FSTL4: variants seen among roughly 807,000 people sequenced by gnomAD.
FSTL4 encodes the protein follistatin-related protein 4.
FSTL4 carries 28 observed loss-of-function variants against 78.2 expected under a neutral mutation model. The observed-to-expected ratio is 0.36, with a 90% CI of 0.27 to 0.49. FSTL4 has a LOEUF of 0.49. Ranked by LOEUF, FSTL4 falls within the 20% of genes least tolerant of loss-of-function variation. The pLI, the probability that FSTL4 is intolerant of heterozygous loss-of-function variation, is 0.98. For missense variants in FSTL4, 922 were observed against 1,084.9 expected, an observed-to-expected ratio of 0.85 and a Z score of 2.11; for synonymous variants, 422 against 440.5, an observed-to-expected ratio of 0.96 and a Z score of 0.53.
intron 5 of FSTL4, among the ~76,000 whole-genome samples, chr5:133,313,718 G>A (rs1216311946): frequency 1.3e-5 from 2 of 152,214 alleles, no homozygotes; most frequent in South Asian, 2.1e-4. Context: ...ATGTGATAAT[G>A]TTAAAAAAAT....
At chr5:133,204,785 A>AAGAT (rs1750440213) in intron 14 of FSTL4, among the ~76,000 whole-genome samples, 1 of 150,728 alleles carries the variant, frequency 6.6e-6, no homozygotes, top group Non-Finnish European at 1.5e-5. Flanking sequence ...GCAGTGAGCC[A>AAGAT]AGATTGTGCC....
chr5:133,536,205 T>C (rs427807), intron 3 of FSTL4, among the ~76,000 whole-genome samples: 54,324 of 151,988 alleles, frequency 0.36, 9,878 homozygotes, highest in South Asian at 0.39. Flanking sequence ...ATACAGATAA[T>C]AACGAAGGAA....
intron 6 of FSTL4, among the ~76,000 whole-genome samples, chr5:133,255,243 A>G (rs1752355705): frequency 6.6e-6 from 1 of 152,126 alleles, no homozygotes; most frequent in African/African-American, 2.4e-5. Flanking sequence ...TTGGAAAGAG[A>G]GGGCTGGGTT....
chr5:133,351,159 C>T (rs1469372115), intron 4 of FSTL4, among the ~76,000 whole-genome samples: 2 of 152,150 alleles, frequency 1.3e-5, no homozygotes, highest in Admixed American at 6.5e-5. Flanking sequence ...CTTCTCGTAG[C>T]TTCTAATATT....
At chr5:133,301,937 C>T (rs1353216255) in intron 6 of FSTL4, among the ~76,000 whole-genome samples, 2 of 152,140 alleles carry the variant, frequency 1.3e-5, no homozygotes, top group Non-Finnish European at 2.9e-5. Context: ...CTGAGCGGTC[C>T]TCAGCTCATC....
the FSTL4 span, among the ~76,000 whole-genome samples, chr5:133,800,111 C>A: frequency 1.4e-5 from 2 of 138,864 alleles, no homozygotes; most frequent in Non-Finnish European, 3.2e-5. Flanking sequence ...TGCAGGAATT[C>A]AGGTAGCTAT....
the FSTL4 span, among the ~76,000 whole-genome samples, chr5:133,665,151 A>G: frequency 6.6e-5 from 10 of 152,192 alleles, no homozygotes; most frequent in Non-Finnish European, 1.2e-4. Context: ...TAAGACCCCC[A>G]AAAGTATGAG....
chr5:133,309,199 T>C (rs1019828240), intron 6 of FSTL4, among the ~76,000 whole-genome samples: 2 of 150,396 alleles, frequency 1.3e-5, no homozygotes, highest in African/African-American at 4.9e-5. Context: ...GTCTCTGCCA[T>C]GGCAGGGACA....
intron 6 of FSTL4, among the ~76,000 whole-genome samples, chr5:133,257,082 C>T (rs1044431172): frequency 5.9e-5 from 9 of 152,218 alleles, no homozygotes; most frequent in Admixed American, 2.0e-4. Flanking sequence ...GCAGAAGGGA[C>T]TTAATAAGCA....
At chr5:133,276,536 A>T (rs569886974) in intron 6 of FSTL4, among the ~76,000 whole-genome samples, 1 of 152,300 alleles carries the variant, frequency 6.6e-6, no homozygotes, top group South Asian at 2.1e-4. Context: ...TGGTGGGGGA[A>T]ATAATAATGA....
At chr5:133,301,977 T>C (rs1753551937) in intron 6 of FSTL4, among the ~76,000 whole-genome samples, 1 of 152,010 alleles carries the variant, frequency 6.6e-6, no homozygotes, top group African/African-American at 2.4e-5. Context: ...CAGGGGAAGA[T>C]TTGGATTCAC....
intron 3 of FSTL4, among the ~76,000 whole-genome samples, chr5:133,482,623 A>AG (rs1307796227): frequency 6.6e-6 from 1 of 152,168 alleles, no homozygotes; most frequent in Non-Finnish European, 1.5e-5. Flanking sequence ...AACAGACGCC[A>AG]GGGGCCCCAG....
intron 2 of FSTL4, among the ~76,000 whole-genome samples, chr5:133,595,554 G>T (rs1432119451): frequency 6.6e-6 from 1 of 152,206 alleles, no homozygotes; most frequent in Non-Finnish European, 1.5e-5. Flanking sequence ...TCTGAGGGCT[G>T]CCTTGCTACG....
the FSTL4 span, among the ~76,000 whole-genome samples, chr5:133,822,643 C>T: frequency 6.6e-6 from 1 of 152,032 alleles, no homozygotes; most frequent in Non-Finnish European, 1.5e-5. Context: ...ATTCCGGGGG[C>T]GTCATGGAAA....
chr5:133,446,572 G>A (rs1267119647), intron 3 of FSTL4, among the ~76,000 whole-genome samples: 1 of 152,150 alleles, frequency 6.6e-6, no homozygotes, highest in East Asian at 1.9e-4. Flanking sequence ...TCTTTCGAGT[G>A]GTTCCTAACC....
chr5:133,841,375 G>T, the FSTL4 span, among the ~76,000 whole-genome samples: 1 of 152,172 alleles, frequency 6.6e-6, no homozygotes, highest in Non-Finnish European at 1.5e-5. Flanking sequence ...GCCATGCACG[G>T]TATCACCGCA....
At chr5:133,827,630 T>C in the FSTL4 span, among the ~76,000 whole-genome samples, 1 of 151,870 alleles carries the variant, frequency 6.6e-6, no homozygotes, top group African/African-American at 2.4e-5. Context: ...AGAGAAGACA[T>C]CCAAGTCTGT....
intron 4 of FSTL4, among the ~76,000 whole-genome samples, chr5:133,380,882 T>C (rs1755551883): frequency 6.6e-6 from 1 of 151,822 alleles, no homozygotes; most frequent in Admixed American, 6.6e-5. Flanking sequence ...AAAAGGATTA[T>C]ACATCATTAC....
the FSTL4 span, among the ~76,000 whole-genome samples, chr5:133,630,975 A>G: frequency 1.3e-5 from 2 of 152,204 alleles, no homozygotes; most frequent in African/African-American, 4.8e-5. Context: ...CCCCTTCCTT[A>G]CACCTTATAC....
Sources: gnomAD v4.1 joint callset for allele counts (sites outside exome capture counted in the v4.1 genomes callset) on GRCh38, gnomAD v4.1.1 for gene constraint, MANE v1.5 for transcripts, NCBI Gene and HGNC (gene_info 2026-07-23, HGNC 2026-07-21) for gene names.